Variants in ASTN1 observed in about 807,000 individuals in gnomAD.
ASTN1 encodes the protein astrotactin 1, also known as astrotactin-1.
ASTN1 carries 41 observed loss-of-function variants against 140.7 expected under a neutral mutation model. The observed-to-expected ratio is 0.29, with a 90% CI of 0.23 to 0.38. The LOEUF (loss-of-function observed/expected upper bound fraction) is 0.38, where lower values mean the gene tolerates loss of function less well. Among genes scored for constraint, ASTN1 ranks in the 10% least tolerant of loss-of-function variants. The probability of loss-of-function intolerance (pLI) is 1.00; values close to 1 mark genes in which losing one functional copy is unlikely to be tolerated. For missense variants in ASTN1, 1,479 were observed against 1,678.8 expected, an observed-to-expected ratio of 0.88 and a Z score of 2.08; for synonymous variants, 640 against 652.2, an observed-to-expected ratio of 0.98 and a Z score of 0.29.
intron 5 of ASTN1, among the ~76,000 whole-genome samples, chr1:177,025,878 G>T (rs1197661460): frequency 6.6e-6 from 1 of 152,108 alleles, no homozygotes; most frequent in Non-Finnish European, 1.5e-5. Context: ...ATTGACTAGT[G>T]TCCCCAGTCT....
intron 16 of ASTN1, among the ~76,000 whole-genome samples, chr1:176,897,070 T>A (rs1669538826): frequency 6.6e-6 from 1 of 151,574 alleles, no homozygotes; most frequent in Non-Finnish European, 1.5e-5. Flanking sequence ...AAGTCAAGAG[T>A]TCGAGACCAG....
At chr1:177,016,076 C>A (rs896100404) in intron 7 of ASTN1, among the ~76,000 whole-genome samples, 2 of 152,162 alleles carry the variant, frequency 1.3e-5, no homozygotes, top group African/African-American at 4.8e-5. Context: ...GCTATTTTCT[C>A]TTTTCTGAAG....
At chr1:176,911,566 T>C (rs1172551655) in intron 16 of ASTN1, among the ~76,000 whole-genome samples, 1 of 152,170 alleles carries the variant, frequency 6.6e-6, no homozygotes, top group East Asian at 1.9e-4. Context: ...TTGTAAACTT[T>C]TTTGTTAAAA....
chr1:176,956,251 C>G (rs999256905), intron 11 of ASTN1, among the ~76,000 whole-genome samples: 1 of 152,164 alleles, frequency 6.6e-6, no homozygotes, highest in Admixed American at 6.5e-5. Context: ...TCAGTGCTCT[C>G]TCTCTCTCCC....
chr1:176,884,851 A>C (rs528430600), intron 18 of ASTN1, among the ~76,000 whole-genome samples: 3 of 152,310 alleles, frequency 2.0e-5, no homozygotes, highest in Admixed American at 2.0e-4. Flanking sequence ...TTTTCTCTTG[A>C]AAAATATCAA....
Position 177,103,535 on chromosome 1 carries a change from G to A in ASTN1, c.284-42270C>T, listed in dbSNP as rs114275380. Among the ~76,000 whole-genome samples the A allele has an allele frequency of 8.8e-3, 1,347 of 152,224 alleles. 20 individuals carry two copies. Among genetic ancestry groups the A allele is most frequent in the African/African-American group, 0.031 (1,280 of 41,532 alleles). On this transcript the variant is annotated intron_variant, in intron 1 of 22. Transcript: ENST00000361833. Reference sequence around the variant, plus strand: ...AACTGGATTTTACATGGGAACAGGGGAGAGGATACACTGAGCTACAGAGAA... The same window carrying A: ...AACTGGATTTTACATGGGAACAGGGAAGAGGATACACTGAGCTACAGAGAA...
At chr1:176,884,185 T>C (rs1336368192) in intron 19 of ASTN1, among the ~76,000 whole-genome samples, 154 bp downstream of exon 19, 1 of 152,204 alleles carries the variant, frequency 6.6e-6, no homozygotes, top group African/African-American at 2.4e-5. Context: ...AGCTGCTTCC[T>C]GGAGAAGAAG....
At chr1:177,034,244 AACACACACACACACACACACAC>A (rs5778922) in intron 2 of ASTN1, among the ~76,000 whole-genome samples, 5 of 143,302 alleles carry the variant, frequency 3.5e-5, no homozygotes, top group Non-Finnish European at 7.6e-5. Context: ...TGAGCAAAGG[AACACACACACACACACACACAC>A]ACACACACAC....
intron 14 of ASTN1, among the ~76,000 whole-genome samples, chr1:176,937,691 A>C (rs16850437): frequency 0.18 from 27,790 of 152,142 alleles, 2,728 homozygotes; most frequent in African/African-American, 0.25. Flanking sequence ...TATACACACA[A>C]TTGCATATGT....
chr1:176,995,027 A>G (rs571230468), intron 8 of ASTN1, among the ~76,000 whole-genome samples: 14 of 152,298 alleles, frequency 9.2e-5, no homozygotes, highest in African/African-American at 3.1e-4. Context: ...TAAATATAAA[A>G]ATCTGATTTC....
intron 7 of ASTN1, among the ~76,000 whole-genome samples, chr1:177,017,652 C>A (rs1007308739): frequency 6.6e-6 from 1 of 152,178 alleles, no homozygotes; most frequent in Admixed American, 6.5e-5. Context: ...ACATAGGACT[C>A]CAACGGAGAG....
In ASTN1 at chr1:176,892,348, G is replaced by A. The variant is rs142435857; in HGVS notation, c.2940+2214C>T. ...GTAGCCTGATATCACAAAGGATGCT[G>A]GAAATACGTTGTGATGGGGGTATCA... On this transcript the variant is annotated intron_variant, in intron 17 of 22. Transcript: ENST00000361833. 2.6e-5 allele frequency among the ~76,000 whole-genome samples: 4 copies of A among 152,240 alleles called. No individual in the cohort carries two copies. In the East Asian group the frequency reaches 7.7e-4, roughly 29 times the overall value.
chr1:177,155,049 T>C (rs1683183479), intron 1 of ASTN1, among the ~76,000 whole-genome samples: 1 of 152,074 alleles, frequency 6.6e-6, no homozygotes, highest in African/African-American at 2.4e-5. Context: ...TATCAAGCCA[T>C]GAAAAGAAAA....
At chr1:177,068,255 G>C (rs929069997) in intron 1 of ASTN1, among the ~76,000 whole-genome samples, 1 of 152,114 alleles carries the variant, frequency 6.6e-6, no homozygotes, top group East Asian at 1.9e-4. Context: ...CTCCAAACAG[G>C]CTTGAGCAAT....
chr1:177,157,294 T>TTTG (rs140297923), intron 1 of ASTN1, among the ~76,000 whole-genome samples: 2,908 of 151,904 alleles, frequency 0.019, 101 homozygotes, highest in Admixed American at 0.087. Flanking sequence ...AACTGTTCTT[T>TTTG]TTGTTGTTGT....
At chr1:176,932,758 G>A (rs999192318) in intron 16 of ASTN1, among the ~76,000 whole-genome samples, 2 of 152,198 alleles carry the variant, frequency 1.3e-5, no homozygotes, top group African/African-American at 4.8e-5. Flanking sequence ...TAAGGACACT[G>A]CATTGCTTGG....
intron 2 of ASTN1, among the ~76,000 whole-genome samples, chr1:177,040,852 G>T (rs1210258533): frequency 6.6e-6 from 1 of 152,198 alleles, no homozygotes; most frequent in Non-Finnish European, 1.5e-5. Context: ...AGGGACAGTG[G>T]TTGGAGGCTA....
At chr1:176,885,015 C>G (rs576718196) in intron 18 of ASTN1, among the ~76,000 whole-genome samples, 9 of 152,228 alleles carry the variant, frequency 5.9e-5, no homozygotes, top group Non-Finnish European at 1.3e-4. Context: ...GCTATGGGAA[C>G]TAACCTATCC....
chr1:176,934,289 A>G lies in ASTN1; in HGVS notation c.2534T>C (p.Phe845Ser). ...GCCGAACTGGTCCAACAGCGCCACA[A>G]AATCTGCACGAGATGTAGCCCCATC... ...SLDGATSRAD[F>S]VALLDQFGNH... The change falls in exon 16 of 23, where the codon TTT becomes TCT. Residue 845 changes from phenylalanine (F) to serine (S), a missense_variant. Coordinates refer to ENST00000361833, the MANE Select transcript of ASTN1 (RefSeq NM_004319.3). 6.2e-7 allele frequency: 1 copy of G among 1,614,014 alleles called. No homozygotes were observed. Among genetic ancestry groups the G allele is most frequent in the South Asian group, 1.1e-5 (1 of 91,060 alleles).
Sources: gnomAD v4.1 joint callset for allele counts (sites outside exome capture counted in the v4.1 genomes callset) on GRCh38, gnomAD v4.1.1 for gene constraint, MANE v1.5 for transcripts, NCBI Gene and HGNC (gene_info 2026-07-23, HGNC 2026-07-21) for gene names.